The following CSTF3 variants were observed in gnomAD, a reference collection of about 807,000 sequenced individuals.
The protein encoded by CSTF3 is CF-1 77 kDa subunit.
CSTF3 carries 29 observed loss-of-function variants against 105.8 expected under a neutral mutation model. That is an observed-to-expected ratio of 0.27 (90% confidence interval 0.20 to 0.37). The LOEUF (loss-of-function observed/expected upper bound fraction) is 0.37. CSTF3 is among the 10% of genes least tolerant of loss of function. The probability of loss-of-function intolerance (pLI) is 1.00; values close to 1 mark genes in which losing one functional copy is unlikely to be tolerated. For synonymous variants in CSTF3, 252 were observed against 281.9 expected (o/e 0.89, Z 1.06); for missense variants, 357 against 879.3 (o/e 0.41, Z 7.51).
intron 1 of CSTF3, among the ~76,000 whole-genome samples, chr11:33,154,491 C>CTTTTTTTTTTTTTT (rs34462847): frequency 1.6e-5 from 1 of 60,892 alleles, no homozygotes; most frequent in African/African-American, 3.7e-5. Context: ...GTAAGACTTT[C>CTTTTTTTTTTTTTT]TTTTTTTTTT....
chr11:33,141,600 C>A, intron 3 of CSTF3, 67 bp downstream of exon 3: 1 of 1,517,782 alleles, frequency 6.6e-7, no homozygotes, highest in Non-Finnish European at 8.8e-7. Context: ...ATGTTCCTAA[C>A]TTGTTTTCTA....
At chr11:33,130,314 GA>G (rs1036809378) in intron 3 of CSTF3, among the ~76,000 whole-genome samples, 3 of 151,872 alleles carry the variant, frequency 2.0e-5, no homozygotes, top group Non-Finnish European at 4.4e-5. Flanking sequence ...CTCTACTAAA[GA>G]TACAAAAATT....
chr11:33,130,800 G>A (rs778145565), intron 3 of CSTF3, among the ~76,000 whole-genome samples: 5 of 152,058 alleles, frequency 3.3e-5, no homozygotes, highest in African/African-American at 4.8e-5. Context: ...GGGCAACATG[G>A]CAAAACAAAA....
chr11:33,123,767 T>C (rs1855516325), intron 3 of CSTF3, among the ~76,000 whole-genome samples: 1 of 152,156 alleles, frequency 6.6e-6, no homozygotes, highest in East Asian at 1.9e-4. Context: ...GTATGTGCAT[T>C]AAACATCTCT....
chr11:33,093,116 G>C (rs1044550446), intron 15 of CSTF3, among the ~76,000 whole-genome samples: 1 of 152,144 alleles, frequency 6.6e-6, no homozygotes, highest in Non-Finnish European at 1.5e-5. Flanking sequence ...TAACCCAGCA[G>C]AGGAGTTGTT....
At chr11:33,087,488 ATCT>A (rs769835897) in intron 17 of CSTF3, among the ~76,000 whole-genome samples, 13 of 152,326 alleles carry the variant, frequency 8.5e-5, no homozygotes, top group Non-Finnish European at 1.3e-4. Context: ...AAGATTTTAG[ATCT>A]TCTGACACCT....
chr11:33,160,518 A>G (rs1849926597), intron 1 of CSTF3, among the ~76,000 whole-genome samples: 2 of 152,232 alleles, frequency 1.3e-5, no homozygotes, highest in Non-Finnish European at 2.9e-5. Flanking sequence ...GGCATTTTTC[A>G]TAACTATTTA....
intron 10 of CSTF3, among the ~76,000 whole-genome samples, chr11:33,100,088 G>A (rs1260201797): frequency 1.3e-5 from 2 of 151,972 alleles, no homozygotes; most frequent in Non-Finnish European, 2.9e-5. Flanking sequence ...CAGGTGCGGT[G>A]GCTCACATCT....
chr11:33,103,276 A>G lies in CSTF3; in HGVS notation c.586-92T>C. The G allele has an allele frequency of 3.5e-6, 2 of 565,550 alleles. 1 individual carries two copies. The allele number at this position is 565,550 out of a possible 1,614,324, so 35.0% of individuals were successfully genotyped here. A position where few individuals can be genotyped will look rare whatever the true frequency, so the allele number is the denominator to read the frequency against. On this transcript the variant is annotated intron_variant, in intron 8 of 20. Transcript: ENST00000323959. Reference sequence around the variant, plus strand: ...TTTATTCATTTACTAAATAACTTTAAATTTTTATTTTAAAAGATTTCTTGT... The same window carrying G: ...TTTATTCATTTACTAAATAACTTTAGATTTTTATTTTAAAAGATTTCTTGT...
At chr11:33,135,582 T>C (rs892315260) in intron 3 of CSTF3, among the ~76,000 whole-genome samples, 1 of 152,136 alleles carries the variant, frequency 6.6e-6, no homozygotes, top group Non-Finnish European at 1.5e-5. Flanking sequence ...TAACAATGTC[T>C]TGATTTAGTT....
At chr11:33,137,514 T>A (rs1590281543) in intron 3 of CSTF3, among the ~76,000 whole-genome samples, 1 of 151,860 alleles carries the variant, frequency 6.6e-6, no homozygotes, top group South Asian at 2.1e-4. Flanking sequence ...TACTACTTAT[T>A]ATAGTCAACA....
chr11:33,106,704 T>C (rs1308228144), intron 5 of CSTF3, among the ~76,000 whole-genome samples: 1 of 152,210 alleles, frequency 6.6e-6, no homozygotes, highest in Non-Finnish European at 1.5e-5. Context: ...ATGTTAAGCT[T>C]GTCAAGATCA....
At chr11:33,143,964 TG>T (rs1294426798) in intron 1 of CSTF3, among the ~76,000 whole-genome samples, 2 of 152,160 alleles carry the variant, frequency 1.3e-5, no homozygotes, top group Non-Finnish European at 2.9e-5. Flanking sequence ...CACTCCAGCC[TG>T]GGTGACAGAG....
intron 3 of CSTF3, among the ~76,000 whole-genome samples, chr11:33,113,192 T>A (rs1462036216): frequency 6.7e-6 from 1 of 148,380 alleles, no homozygotes; most frequent in Non-Finnish European, 1.5e-5. Flanking sequence ...GGCAGCAGAG[T>A]GAGACTTTGT....
intron 3 of CSTF3, among the ~76,000 whole-genome samples, chr11:33,118,205 T>G (rs1855453520): frequency 6.6e-6 from 1 of 151,848 alleles, no homozygotes; most frequent in African/African-American, 2.4e-5. Flanking sequence ...AATCTACTTT[T>G]AAATCCTCTC....
Position 33,096,411 on chromosome 11 carries a change from A to T in CSTF3, c.1273-3T>A, listed in dbSNP as rs1026843618. ...ATCTTAAAGGCAACAGATTTGTCCT[A>T]CAAGTAAAGAAAGTAAAGTACAGAT... On this transcript the variant is annotated splice_polypyrimidine_tract_variant and splice_region_variant and intron_variant, in intron 14 of 20. Transcript: ENST00000323959. 5 of 1,564,054 alleles carry T rather than the reference A, an allele frequency of 3.2e-6. No homozygotes were observed. The highest frequency in any genetic ancestry group is 4.3e-6 in the Non-Finnish European group (5 of 1,152,056).
chr11:33,085,774 C>G lies in CSTF3; in HGVS notation c.1891-1G>C. The G allele has an allele frequency of 6.2e-7, 1 of 1,613,358 alleles. No homozygotes were observed. ...GTTCATCCACTTGTACAAAAGGACCCTATTTTTGACATGAATAAATTTTAA... is the reference window on the plus strand; with the variant it reads ...GTTCATCCACTTGTACAAAAGGACCGTATTTTTGACATGAATAAATTTTAA... On this transcript the variant is annotated splice_acceptor_variant, in intron 19 of 20. Transcript: ENST00000323959. LOFTEE classifies it high-confidence loss of function.
intron 1 of CSTF3, among the ~76,000 whole-genome samples, chr11:33,159,389 A>C (rs1440871557): frequency 2.0e-5 from 3 of 152,030 alleles, no homozygotes; most frequent in Middle Eastern, 3.2e-3. Flanking sequence ...TGAGGTCAGG[A>C]GTTCGAGACC....
At chr11:33,089,180 C>T (rs534564445) in intron 17 of CSTF3, among the ~76,000 whole-genome samples, 33 of 151,684 alleles carry the variant, frequency 2.2e-4, no homozygotes, top group Non-Finnish European at 4.4e-4. Context: ...AACCCCATCT[C>T]CACAAAAAAA....
Sources: allele counts gnomAD v4.1 joint callset (sites outside exome capture counted in the v4.1 genomes callset), GRCh38; gene constraint gnomAD v4.1.1; transcripts MANE v1.5; gene names NCBI Gene and HGNC (gene_info 2026-07-23, HGNC 2026-07-21).